CRB1: variants seen among roughly 807,000 people sequenced by gnomAD.
CRB1 encodes protein crumbs homolog 1.
CRB1 carries 83 observed loss-of-function variants against 120.0 expected under a neutral mutation model. That is an observed-to-expected ratio of 0.69 (90% CI 0.58 to 0.83). The LOEUF (loss-of-function observed/expected upper bound fraction) is 0.83. Among genes scored for constraint, CRB1 ranks in the 40% least tolerant of loss-of-function variants. The probability of loss-of-function intolerance (pLI) is 0.00; values close to 1 mark genes in which losing one functional copy is unlikely to be tolerated. For missense variants in CRB1, 1,699 were observed against 1,687.6 expected (o/e 1.01, Z -0.12); for synonymous variants, 625 against 612.5 (o/e 1.02, Z -0.30).
At chr1:197,358,163 C>T (rs1165958222) in intron 5 of CRB1, 1 of 152,152 alleles carries the variant, frequency 6.6e-6, no homozygotes, top group Non-Finnish European at 1.5e-5. Context: ...TGTGTATTTA[C>T]CTCACCTCTG....
intron 5 of CRB1, among the ~76,000 whole-genome samples, chr1:197,397,570 A>T (rs953176276): frequency 6.6e-6 from 1 of 152,178 alleles, no homozygotes; most frequent in Non-Finnish European, 1.5e-5. Flanking sequence ...CCAAATCTTC[A>T]TCAGTTACTG....
At chr1:197,204,882 T>A in the CRB1 span, among the ~76,000 whole-genome samples, 1 of 152,242 alleles carries the variant, frequency 6.6e-6, no homozygotes, top group Non-Finnish European at 1.5e-5. Context: ...TCCAATGTTA[T>A]CTTCTAGAAT....
At chr1:197,277,353 A>G (rs896675765) in intron 1 of CRB1, among the ~76,000 whole-genome samples, 3 of 151,966 alleles carry the variant, frequency 2.0e-5, no homozygotes, top group South Asian at 2.1e-4. Flanking sequence ...GAACCTTTAA[A>G]TACTTATTTT....
chr1:197,392,776 A>G (rs1244057376), intron 5 of CRB1, among the ~76,000 whole-genome samples: 1 of 152,154 alleles, frequency 6.6e-6, no homozygotes, highest in Non-Finnish European at 1.5e-5. Context: ...TGCAAAGTTC[A>G]CCAGATCTTC....
intron 8 of CRB1, among the ~76,000 whole-genome samples, chr1:197,430,421 T>C (rs1477802633): frequency 6.6e-6 from 1 of 152,216 alleles, no homozygotes; most frequent in Non-Finnish European, 1.5e-5. Flanking sequence ...AAAATTTCTT[T>C]TGACACTTCC....
intron 5 of CRB1, among the ~76,000 whole-genome samples, chr1:197,411,313 C>T (rs1200844379): frequency 6.6e-6 from 1 of 152,166 alleles, no homozygotes; most frequent in Admixed American, 6.5e-5. Flanking sequence ...TGGAAAGTCA[C>T]ATCACCATGG....
chr1:197,432,137 A>T (rs2125494111), intron 8 of CRB1, among the ~76,000 whole-genome samples: 1 of 152,256 alleles, frequency 6.6e-6, no homozygotes, highest in African/African-American at 2.4e-5. Flanking sequence ...GAAGTACAAA[A>T]GTGATTAGGT....
At chr1:197,311,745 GTT>G (rs1657540120) in intron 1 of CRB1, among the ~76,000 whole-genome samples, 1 of 136,452 alleles carries the variant, frequency 7.3e-6, no homozygotes, top group African/African-American at 2.7e-5. Flanking sequence ...GTGTGTGTGT[GTT>G]GAGAAGATTT....
At chr1:197,409,479 T>A (rs1480339830) in intron 5 of CRB1, among the ~76,000 whole-genome samples, 2 of 152,244 alleles carry the variant, frequency 1.3e-5, no homozygotes, top group African/African-American at 4.8e-5. Flanking sequence ...TATTATTTAT[T>A]GTCCTATGCT....
chr1:197,415,584 C>G (rs1184181181), intron 5 of CRB1, among the ~76,000 whole-genome samples: 24 of 151,312 alleles, frequency 1.6e-4, no homozygotes, highest in Non-Finnish European at 1.0e-4. Flanking sequence ...CACTTATTTA[C>G]ACACACAAAG....
chr1:197,332,628 G>A lies in CRB1; in HGVS notation c.652+3625G>A, dbSNP rs563866797. Among the ~76,000 whole-genome samples the A allele has an allele frequency of 3.4e-4, 51 of 152,238 alleles. No homozygotes were observed. In the South Asian group the frequency reaches 0.01, roughly 30 times the overall value. ...ATGGCCTGTGTTCTAGTAGCTCATG[G>A]GTGTTTCTCAGCCCTGACTACTCAT... On this transcript the variant is annotated intron_variant, in intron 2 of 11. Coordinates refer to ENST00000367400, the MANE Select transcript of CRB1 (RefSeq NM_201253.3).
intron 1 of CRB1, among the ~76,000 whole-genome samples, chr1:197,322,367 G>A (rs370810042): frequency 7.2e-5 from 11 of 151,912 alleles, no homozygotes; most frequent in African/African-American, 2.7e-4. Context: ...GGAGGCTGAG[G>A]CATGAGAATA....
At chr1:197,280,320 G>T (rs941340770) in intron 1 of CRB1, among the ~76,000 whole-genome samples, 1 of 151,850 alleles carries the variant, frequency 6.6e-6, no homozygotes, top group African/African-American at 2.4e-5. Context: ...GCAGTGAAAA[G>T]ATCGTCAATC....
In CRB1 at chr1:197,477,717, C is replaced by T. The variant is rs541669826; in HGVS notation, c.4059C>T (p.Val1353=). The stretch of plus-strand genomic sequence containing the variant: ...TCACCACTATTGGCTCAGTGACTGT[C>T]GCCTTGTTACTGATCCTCTTGCTGG... ...DIFTTIGSVT[V]ALLLILLLAI... The change falls in exon 12 of 12, where the codon GTC becomes GTT. Residue 1353 remains valine, a synonymous_variant. Coordinates refer to ENST00000367400, the MANE Select transcript of CRB1 (RefSeq NM_201253.3). 21 of 1,613,926 alleles carry T rather than the reference C, an allele frequency of 1.3e-5. No homozygotes were observed. The highest frequency in any genetic ancestry group is 1.7e-4 in the Middle Eastern group (1 of 6,060).
intron 11 of CRB1, among the ~76,000 whole-genome samples, chr1:197,467,887 C>T (rs1292404835): frequency 6.6e-6 from 1 of 152,122 alleles, no homozygotes; most frequent in Non-Finnish European, 1.5e-5. Flanking sequence ...GAAATTGCTC[C>T]CTCCATTCTG....
At chr1:197,385,356 G>A (rs1437852745) in intron 5 of CRB1, among the ~76,000 whole-genome samples, 3 of 152,078 alleles carry the variant, frequency 2.0e-5, no homozygotes, top group East Asian at 1.9e-4. Context: ...ATTTCTTGAA[G>A]CTGCTTTTTG....
chr1:197,321,500 A>G (rs1426380746), intron 1 of CRB1, among the ~76,000 whole-genome samples: 1 of 152,240 alleles, frequency 6.6e-6, no homozygotes, highest in African/African-American at 2.4e-5. Flanking sequence ...GAGTGAGTGA[A>G]ACAAATTTCC....
At chr1:197,241,415 A>G in the CRB1 span, among the ~76,000 whole-genome samples, 2 of 152,190 alleles carry the variant, frequency 1.3e-5, no homozygotes, top group African/African-American at 4.8e-5. Context: ...AGTTTTCTGC[A>G]TATGCCTAGT....
chr1:197,289,127 A>G (rs182784235), intron 1 of CRB1, among the ~76,000 whole-genome samples: 7 of 151,904 alleles, frequency 4.6e-5, no homozygotes, highest in Admixed American at 4.6e-4. Flanking sequence ...AGACCAAAAA[A>G]ACAAAAGCAA....
Sources: gnomAD v4.1 joint callset for allele counts (sites outside exome capture counted in the v4.1 genomes callset) on GRCh38, gnomAD v4.1.1 for gene constraint, MANE v1.5 for transcripts, NCBI Gene and HGNC (gene_info 2026-07-23, HGNC 2026-07-21) for gene names.